MDGA1: variants seen among roughly 807,000 people sequenced by gnomAD.
The protein encoded by MDGA1 is MAM domain-containing glycosylphosphatidylinositol anchor protein 1.
In MDGA1, 54 loss-of-function variants were observed where a neutral mutation model predicts 101.5. The observed-to-expected ratio is 0.53, with a 90% CI of 0.43 to 0.67. The LOEUF (loss-of-function observed/expected upper bound fraction) is 0.67, where lower values mean the gene tolerates loss of function less well. Ranked by LOEUF, MDGA1 falls within the 30% of genes least tolerant of loss-of-function variation. The probability of loss-of-function intolerance (pLI) is 0.00; values close to 1 mark genes in which losing one functional copy is unlikely to be tolerated. For synonymous variants in MDGA1, 533 were observed against 558.3 expected (o/e 0.95, Z 0.64); for missense variants, 1,083 against 1,323.8 (o/e 0.82, Z 2.82).
Position 37,655,221 on chromosome 6 carries a change from G to A in MDGA1, c.580-289C>T, listed in dbSNP as rs981083415. ...TTTCTCCAGTCTGGGAAACGGAGGG[G>A]TAAGAAGGGAACTTACTCGTACAAC... On this transcript the variant is annotated intron_variant, in intron 4 of 16. Transcript: ENST00000434837. This position sits in a 1 kb window ranked among gnomAD's most constrained non-coding sequence, Gnocchi z 5.1. The A allele has an allele frequency of 4.1e-5, 20 of 486,004 alleles. No homozygotes were observed. The Admixed American group carries it at 6.2e-4, about 15-fold the overall frequency. 30.1% of individuals were successfully genotyped at this position (486,004 alleles called of 1,614,324 possible).
chr6:37,644,279 T>A (rs1334885182), intron 13 of MDGA1, among the ~76,000 whole-genome samples: 1 of 152,148 alleles, frequency 6.6e-6, no homozygotes, highest in Non-Finnish European at 1.5e-5. Flanking sequence ...TGCATCTCCC[T>A]CAGACTGGGG....
At chr6:37,659,672 A>C (rs996022457) in intron 2 of MDGA1, among the ~76,000 whole-genome samples, 8 of 152,234 alleles carry the variant, frequency 5.3e-5, no homozygotes, top group African/African-American at 1.9e-4. Flanking sequence ...CCAGAAAAGC[A>C]AGGCTGGGGA....
rs1449487161 is a variant in MDGA1 at position 37,655,849 on chromosome 6, G to T, written c.430C>A (p.Arg144=). The T allele has an allele frequency of 6.2e-7, 1 of 1,613,550 alleles. No homozygotes were observed. The highest frequency in any genetic ancestry group is 8.5e-7 in the Non-Finnish European group (1 of 1,179,744). The change falls in exon 4 of 17, where the codon CGA becomes AGA. Residue 144 remains arginine (R), a synonymous_variant. Transcript: ENST00000434837. This position sits in a 1 kb window ranked among gnomAD's most constrained non-coding sequence, Gnocchi z 5.1. ...GTCTTCTCCTGGTAGAAGTTGCCTC[G>T]CACATCGCTCACCGTCTGGTGCACC... The part of the protein sequence containing the change: ...LTVHQTVSDV[R]GNFYQEKTVF...
At chr6:37,669,218 G>A (rs1180047081) in intron 1 of MDGA1, among the ~76,000 whole-genome samples, 1 of 152,108 alleles carries the variant, frequency 6.6e-6, no homozygotes, top group African/African-American at 2.4e-5. Context: ...TGATCTGAGT[G>A]GTGTTTGCAC....
rs1422014923 is a variant in MDGA1, at chr6:37,635,599, C to T, written c.*1769G>A. The stretch of plus-strand genomic sequence containing the variant: ...CACAGGCCTGGCAGGGGGAGATGGG[C>T]AGCCTTTGCCTCGGTTCCCCGCCTG... On this transcript the variant is annotated 3_prime_UTR_variant, in exon 17 of 17. Transcript: ENST00000434837. 2.5e-6 allele frequency: 1 copy of T among 398,580 alleles called. No individual in the cohort carries two copies. The highest frequency in any genetic ancestry group is 4.4e-6 in the Non-Finnish European group (1 of 226,108). 24.7% of individuals were successfully genotyped at this position (398,580 alleles called of 1,614,324 possible). A position where few individuals can be genotyped will look rare whatever the true frequency, so the allele number is the denominator to read the frequency against.
At chr6:37,675,006 G>A (rs776197527) in intron 1 of MDGA1, among the ~76,000 whole-genome samples, 18 of 152,162 alleles carry the variant, frequency 1.2e-4, no homozygotes, top group Non-Finnish European at 2.4e-4. Flanking sequence ...GCAGTGGGCC[G>A]AGATCGTGCC....
At chr6:37,663,732 C>A (rs142033409) in intron 2 of MDGA1, among the ~76,000 whole-genome samples, 1 of 152,150 alleles carries the variant, frequency 6.6e-6, no homozygotes, top group Non-Finnish European at 1.5e-5. Context: ...ATTGAACAAC[C>A]GGCATTCCAT....
intron 10 of MDGA1, 84 bp from the exon 11 acceptor site, chr6:37,646,459 C>T (rs886610648): frequency 1.9e-5 from 23 of 1,195,932 alleles, no homozygotes; most frequent in South Asian, 6.4e-5. Flanking sequence ...TCACCCCTTC[C>T]GTGCCCACCT....
Position 37,638,906 on chromosome 6 carries a change from T to A in MDGA1, c.2537-239A>T, listed in dbSNP as rs1479759169. The A allele has an allele frequency of 4.1e-6, 2 of 486,660 alleles. No homozygotes were observed. The highest frequency in any genetic ancestry group is 7.4e-6 in the Non-Finnish European group (2 of 270,244). The allele number at this position is 486,660 out of a possible 1,614,324, so 30.1% of individuals were successfully genotyped here. ...GGATGACTTGCAAATTTTCTTTCAT[T>A]TCTTTCCTGCCCTGCTAATCAGCTA... is the stretch of plus-strand genomic sequence containing the variant. On this transcript the variant is annotated intron_variant, in intron 14 of 16. Coordinates refer to ENST00000434837, the MANE Select transcript of MDGA1 (RefSeq NM_153487.4). This position sits in a 1 kb window ranked among gnomAD's most constrained non-coding sequence, Gnocchi z 4.8.
rs7748104 is a variant in MDGA1 at position 37,636,844 on chromosome 6, C to T, written c.*524G>A. 0.45 allele frequency: 68,350 copies of T among 152,740 alleles called. 16,348 individuals are homozygous for T. The highest frequency in any genetic ancestry group is 0.6 in the East Asian group (3,116 of 5,166). 9.5% of individuals were successfully genotyped at this position (152,740 alleles called of 1,614,324 possible). On this transcript the variant is annotated 3_prime_UTR_variant, in exon 17 of 17. Transcript: ENST00000434837. ...CAGAGCTCGCAAAGTCCCACCTGTT[C>T]GTCCTCTGATCCCTGCCTCTCCCAT...
intron 7 of MDGA1, among the ~76,000 whole-genome samples, chr6:37,650,847 A>G (rs551232708): frequency 6.6e-6 from 1 of 152,354 alleles, no homozygotes; most frequent in Admixed American, 6.5e-5. Flanking sequence ...TAGGATACCT[A>G]GTTTTCAGCA....
At chr6:37,643,735 G>T (rs1220619371) in intron 14 of MDGA1, 74 bp downstream of exon 14, 6 of 1,582,402 alleles carry the variant, frequency 3.8e-6, no homozygotes, top group Non-Finnish European at 5.2e-6. Flanking sequence ...CCAGCCCATC[G>T]CCTCCTGTGG....
rs1302190562 is a variant in MDGA1 at position 37,631,244 on chromosome 6, G to A, written c.*6124C>T. 2 of 152,178 alleles carry A rather than the reference G, an allele frequency of 1.3e-5. No individual in the cohort carries two copies. Among genetic ancestry groups the A allele is most frequent in the Non-Finnish European group, 2.9e-5 (2 of 68,050 alleles). The allele number at this position is 152,178 out of a possible 1,614,324, so 9.4% of individuals were successfully genotyped here. On this transcript the variant is annotated 3_prime_UTR_variant, in exon 17 of 17. Transcript: ENST00000434837. ...TTGCAACTCCTGTTTGGATTTCTGA[G>A]TGCCCATCCCCCTCACTGTGTTTGT...
At chr6:37,675,616 G>A (rs2114078699) in intron 1 of MDGA1, among the ~76,000 whole-genome samples, 1 of 152,302 alleles carries the variant, frequency 6.6e-6, no homozygotes, top group East Asian at 1.9e-4. Flanking sequence ...AGCTCTCCCT[G>A]TGAGAATATG....
In MDGA1 at chr6:37,693,404, A is replaced by G. The variant is rs79773820; in HGVS notation, c.67+3341T>C. On this transcript the variant is annotated intron_variant, in intron 1 of 16. Transcript: ENST00000434837. ...ATTCAACATCTGTCTTCATGTTCCT[A>G]CAAAAATTAACATAGGATAGTAGTT... 7.3e-3 allele frequency among the ~76,000 whole-genome samples: 1,115 copies of G among 152,368 alleles called. 12 individuals are homozygous for G. The highest frequency in any genetic ancestry group is 0.025 in the African/African-American group (1,051 of 41,588).
At chr6:37,647,503 C>T (rs1434461503) in intron 9 of MDGA1, among the ~76,000 whole-genome samples, 179 bp from the exon 10 acceptor site, 1 of 150,738 alleles carries the variant, frequency 6.6e-6, no homozygotes, top group Non-Finnish European at 1.5e-5. Context: ...TTGGGGAAAA[C>T]GAGGATGGGA....
intron 1 of MDGA1, among the ~76,000 whole-genome samples, chr6:37,670,431 G>C (rs1219166326): frequency 1.3e-5 from 2 of 152,216 alleles, no homozygotes; most frequent in Non-Finnish European, 2.9e-5. Context: ...GGAAGGGCTG[G>C]AGCCCTTCCC....
Position 37,637,232 on chromosome 6 carries a change from C to T in MDGA1, c.*136G>A, listed in dbSNP as rs1166919646. On this transcript the variant is annotated 3_prime_UTR_variant, in exon 17 of 17. Transcript: ENST00000434837. ...TGTCCTTGTTCTCTGCTCATCCTTG[C>T]AGCCAATGCAGGCCCCCTCCCTGGC... 3.1e-6 allele frequency: 2 copies of T among 646,862 alleles called. No individual in the cohort carries two copies. The highest frequency in any genetic ancestry group is 2.8e-5 in the East Asian group (1 of 36,308). 40.1% of individuals were successfully genotyped at this position (646,862 alleles called of 1,614,324 possible). A position where few individuals can be genotyped will look rare whatever the true frequency, so the allele number is the denominator to read the frequency against.
At chr6:37,693,607 G>A (rs1285519039) in intron 1 of MDGA1, among the ~76,000 whole-genome samples, 1 of 152,238 alleles carries the variant, frequency 6.6e-6, no homozygotes, top group Non-Finnish European at 1.5e-5. Flanking sequence ...AGGAGCAGAA[G>A]CCGGGACAGA....
Sources: allele counts gnomAD v4.1 joint callset (sites outside exome capture counted in the v4.1 genomes callset), GRCh38; gene constraint gnomAD v4.1.1; non-coding constraint Gnocchi (gnomAD v3.1); transcripts MANE v1.5; gene names NCBI Gene and HGNC (gene_info 2026-07-23, HGNC 2026-07-21).